MRPS30: variants seen among roughly 807,000 people sequenced by gnomAD.
The protein encoded by MRPS30 is large ribosomal subunit protein mL65.
Under a neutral mutation model 43.8 loss-of-function variants are expected in MRPS30, and 42 were observed. The observed-to-expected ratio is 0.96, with a 90% CI of 0.75 to 1.24. MRPS30 has a LOEUF of 1.24. MRPS30 is among the 50% of genes most tolerant of loss of function. The pLI is 0.00. For synonymous variants in MRPS30, 273 were observed against 228.2 expected (o/e 1.20, Z -1.77); for missense variants, 638 against 570.0 (o/e 1.12, Z -1.22).
rs370777273 is a variant in MRPS30, at chr5:44,812,164, G to A, written c.853+144G>A. 10 of 458,672 alleles carry A rather than the reference G, an allele frequency of 2.2e-5. No homozygotes were observed. The South Asian group carries it at 3.1e-4, about 14-fold the overall frequency. 28.4% of individuals were successfully genotyped at this position (458,672 alleles called of 1,614,324 possible). A position where few individuals can be genotyped will look rare whatever the true frequency, so the allele number is the denominator to read the frequency against. On this transcript the variant is annotated intron_variant, in intron 3 of 4. Transcript: ENST00000507110. ...TGAGCAATATAATTCGTAATCTCAG[G>A]TTATTACAACATGCATAAACACTGG...
Position 44,809,375 on chromosome 5 carries a change from A to G in MRPS30, c.413A>G (p.Asp138Gly). 1 of 1,608,088 alleles carries G rather than the reference A, an allele frequency of 6.2e-7. No individual in the cohort carries two copies. Among genetic ancestry groups the G allele is most frequent in the Non-Finnish European group, 8.5e-7 (1 of 1,177,306 alleles). Residue 138 changes from aspartate to glycine, a missense_variant, in exon 1 of 5, where the codon GAC becomes GGC. Asp to Gly is a moderately conservative substitution (Grantham distance 94). Transcript: ENST00000507110. ...EPEPEPEPALDLAALRAVACD... is the reference protein window; with the variant it reads ...EPEPEPEPALGLAALRAVACD... ...GAACCCGAACCTGAACCTGCGCTGG[A>G]CCTCGCGGCGCTGCGTGCGGTCGCC...
In MRPS30 at chr5:44,809,545, C is replaced by G; in HGVS notation, c.583C>G (p.Leu195Val). Residue 195 changes from leucine (L) to valine (V), a missense_variant, in exon 1 of 5, where the codon CTG becomes GTG. Leu to Val is a conservative substitution (Grantham distance 32, BLOSUM62 1). Coordinates refer to ENST00000507110, the MANE Select transcript of MRPS30 (RefSeq NM_016640.4). ...CCTCCTCAGCCCACACAACCCGGCC[C>G]TGGCCGCTGCCGCCCTCGGTGAGCC... is the stretch of plus-strand genomic sequence containing the variant. ...VGLLSPHNPA[L>V]AAAALDYRCP... 6.2e-7 allele frequency: 1 copy of G among 1,600,154 alleles called. No individual in the cohort carries two copies. The highest frequency in any genetic ancestry group is 1.1e-5 in the South Asian group (1 of 89,076).
chr5:44,811,190 C>T (rs1290577303), intron 2 of MRPS30, 36 bp downstream of exon 2: 1 of 1,604,748 alleles, frequency 6.2e-7, no homozygotes, highest in African/African-American at 1.3e-5. Context: ...CTATTGATAT[C>T]TCGTGTAGGA....
rs377019282 is a variant in MRPS30, at chr5:44,813,245, C to A, written c.993C>A (p.Ser331Arg). 6.2e-7 allele frequency: 1 copy of A among 1,609,086 alleles called. No homozygotes were observed. The highest frequency in any genetic ancestry group is 1.3e-5 in the African/African-American group (1 of 74,664). The change falls in exon 4 of 5, where the codon AGC becomes AGA. Residue 331 changes from serine to arginine, a missense_variant. Physicochemically the swap from Ser to Arg is moderately radical, Grantham distance 110. Transcript: ENST00000507110. ...TTTTTAGAGCTAATGCTATTGCAAG[C>A]CTTTTTGCTTGGACTGGAGCACAAG... ...EVVFRANAIA[S>R]LFAWTGAQAM... is the part of the protein sequence containing the mutation.
rs760598585 is a variant in MRPS30, at chr5:44,814,969, G to A, written c.1087G>A (p.Asp363Asn). ...TTTTGTCTCCCAGGCTGTGATCACAGATGGAAAATACTTTTCCTTTTTCTG... is the reference window on the plus strand; with the variant it reads ...TTTTGTCTCCCAGGCTGTGATCACAAATGGAAAATACTTTTCCTTTTTCTG... The part of the protein sequence containing the change: ...RPFVSQAVIT[D>N]GKYFSFFCYQ... Residue 363 changes from aspartate to asparagine, a missense_variant, in exon 5 of 5, where the codon GAT (aspartate) becomes AAT (asparagine). Transcript: ENST00000507110. 6.2e-7 allele frequency: 1 copy of A among 1,613,832 alleles called. No individual in the cohort carries two copies. The highest frequency in any genetic ancestry group is 8.5e-7 in the Non-Finnish European group (1 of 1,179,792).
chr5:44,809,021 C>T lies in MRPS30; in HGVS notation c.59C>T (p.Thr20Ile), dbSNP rs1742767360. The T allele has an allele frequency of 1.2e-6, 2 of 1,609,936 alleles. No homozygotes were observed. Among genetic ancestry groups the T allele is most frequent in the Non-Finnish European group, 8.5e-7 (1 of 1,178,804 alleles). The change falls in exon 1 of 5, where the codon ACC (threonine) becomes ATC (isoleucine). Residue 20 changes from threonine to isoleucine, a missense_variant. Thr to Ile is a moderately conservative substitution (Grantham distance 89, BLOSUM62 -1). Transcript: ENST00000507110. The stretch of plus-strand genomic sequence containing the variant: ...CGCGGTCCGAGGCTTTCATTGCACA[C>T]CGCGGCTAATGCCGCCGCCACGGCT... ...LLRGPRLSLH[T>I]AANAAATATE...
At chr5:44,814,115 G>T (rs1349747150) in intron 4 of MRPS30, among the ~76,000 whole-genome samples, 1 of 152,128 alleles carries the variant, frequency 6.6e-6, no homozygotes, top group Admixed American at 6.5e-5. Flanking sequence ...AATGAAGAGT[G>T]GGACAAGGAG....
In MRPS30 at chr5:44,809,004, G is replaced by A. The variant is rs770378175; in HGVS notation, c.42G>A (p.Pro14=). 18 of 1,609,522 alleles carry A rather than the reference G, an allele frequency of 1.1e-5. No individual in the cohort carries two copies. Among genetic ancestry groups the A allele is most frequent in the Non-Finnish European group, 1.5e-5 (18 of 1,178,536 alleles). Residue 14 remains proline (P), a synonymous_variant, in exon 1 of 5, where the codon CCG becomes CCA. Transcript: ENST00000507110. ...GTTGGAGGCCTTTGCTACGCGGTCC[G>A]AGGCTTTCATTGCACACCGCGGCTA... ...ARCWRPLLRG[P]RLSLHTAANA...
At chr5:44,809,877 G>T in intron 1 of MRPS30, 1 of 328,262 alleles carries the variant, frequency 3.0e-6, no homozygotes, top group Non-Finnish European at 5.5e-6. Context: ...GAAGAGAAAC[G>T]CCACTTAAGA....
At chr5:44,809,596 G>T (rs1259043791) in intron 1 of MRPS30, 33 bp downstream of exon 1, 1 of 1,539,966 alleles carries the variant, frequency 6.5e-7, no homozygotes, top group Non-Finnish European at 8.8e-7. Flanking sequence ...GGGCGGAAGG[G>T]AGAGATGGGG....
In MRPS30 at chr5:44,814,906, TC is replaced by T. The variant is rs1472065120; in HGVS notation, c.1031-6del. On this transcript the variant is annotated splice_region_variant and splice_polypyrimidine_tract_variant and intron_variant, in intron 4 of 4. Transcript: ENST00000507110. The stretch of plus-strand genomic sequence containing the variant: ...TGTGTAAATTTCAGCATAACTTTCT[TC>T]TACAGGATTCTGGAGTGAAGCAGAT... The T allele has an allele frequency of 6.3e-7, 1 of 1,589,454 alleles. No homozygotes were observed. The highest frequency in any genetic ancestry group is 2.2e-5 in the East Asian group (1 of 44,684).
At chr5:44,813,335 A>G in intron 4 of MRPS30, 53 bp downstream of exon 4, 1 of 1,436,780 alleles carries the variant, frequency 7.0e-7, no homozygotes. Context: ...ACATTCTAAG[A>G]ATATAATGGT....
rs1341559686 is a variant in MRPS30, at chr5:44,813,308, C to T, written c.1030+26C>T. On this transcript the variant is annotated intron_variant, in intron 4 of 4. Transcript: ENST00000507110. ...GTAAAAATTAATTTTATAGCATTTT[C>T]TTTGAAGGTATTTGTAACATTCTAA... 3.2e-6 allele frequency: 5 copies of T among 1,539,588 alleles called. No homozygotes were observed. In the South Asian group the frequency reaches 6.3e-5, roughly 19 times the overall value.
chr5:44,813,226 G>C lies in MRPS30; in HGVS notation c.974G>C (p.Arg325Thr), dbSNP rs749746406. ...NCADQIEVVF[R>T]ANAIASLFAW... The stretch of plus-strand genomic sequence containing the variant: ...GCTGATCAGATAGAAGTTGTTTTTA[G>C]AGCTAATGCTATTGCAAGCCTTTTT... Residue 325 changes from arginine to threonine, a missense_variant, in exon 4 of 5, where the codon AGA becomes ACA. Arg to Thr is a moderately conservative substitution (Grantham distance 71). Transcript: ENST00000507110. 1.9e-6 allele frequency: 3 copies of C among 1,612,080 alleles called. No homozygotes were observed. Among genetic ancestry groups the C allele is most frequent in the Admixed American group, 1.7e-5 (1 of 59,588 alleles).
At chr5:44,810,757 A>T (rs1203895047) in intron 1 of MRPS30, among the ~76,000 whole-genome samples, 1 of 152,162 alleles carries the variant, frequency 6.6e-6, no homozygotes, top group African/African-American at 2.4e-5. Flanking sequence ...ATTCTTGTTA[A>T]TCTTATTTTC....
At position 44,815,386 on chromosome 5, in the gene MRPS30, C is replaced by A; in HGVS notation, c.*184C>A. 1.9e-6 allele frequency: 1 copy of A among 529,002 alleles called. No individual in the cohort carries two copies. Among genetic ancestry groups the A allele is most frequent in the Non-Finnish European group, 3.1e-6 (1 of 317,970 alleles). The allele number at this position is 529,002 out of a possible 1,614,324, so 32.8% of individuals were successfully genotyped here. A position where few individuals can be genotyped will look rare whatever the true frequency, so the allele number is the denominator to read the frequency against. On this transcript the variant is annotated 3_prime_UTR_variant, in exon 5 of 5. Transcript: ENST00000507110. ...TCACTGAAAGATTTAATTTTAGTTA[C>A]CTTTTGTTGATTTAAAAATAATTGC...
In MRPS30 at chr5:44,809,368, G is replaced by C; in HGVS notation, c.406G>C (p.Ala136Pro). The C allele has an allele frequency of 6.2e-7, 1 of 1,608,164 alleles. No individual in the cohort carries two copies. The highest frequency in any genetic ancestry group is 8.5e-7 in the Non-Finnish European group (1 of 1,177,296). The change falls in exon 1 of 5, where the codon GCG (alanine) becomes CCG (proline). Residue 136 changes from alanine (A) to proline (P), a missense_variant. By Grantham distance (27) the Ala-to-Pro change is conservative (BLOSUM62 -1). Transcript: ENST00000507110. ...EPEPEPEPEP[A>P]LDLAALRAVA... The stretch of plus-strand genomic sequence containing the variant: ...CGAGCCCGAACCCGAACCTGAACCT[G>C]CGCTGGACCTCGCGGCGCTGCGTGC...
At chr5:44,809,787 C>G (rs932661064) in intron 1 of MRPS30, 1 of 534,042 alleles carries the variant, frequency 1.9e-6, no homozygotes, top group South Asian at 2.8e-5. Flanking sequence ...CTCTTCAACT[C>G]TGAAAGCCTG....
Position 44,813,177 on chromosome 5 carries a change from G to A in MRPS30, c.925G>A (p.Glu309Lys). Reference sequence around the variant, plus strand: ...TCTGTTACCTGACAAATTAAGAAGGGAAAGGCTTTTGAGACAAAACTGTGC... The same window carrying A: ...TCTGTTACCTGACAAATTAAGAAGGAAAAGGCTTTTGAGACAAAACTGTGC... ...FHLLPDKLRR[E>K]RLLRQNCADQ... Residue 309 changes from glutamate to lysine, a missense_variant, in exon 4 of 5, where the codon GAA becomes AAA. Glu to Lys is a moderately conservative substitution (Grantham distance 56). Transcript: ENST00000507110. 6.2e-7 allele frequency: 1 copy of A among 1,613,522 alleles called. No individual in the cohort carries two copies.
Sources: gnomAD v4.1 joint callset for allele counts (sites outside exome capture counted in the v4.1 genomes callset) on GRCh38, gnomAD v4.1.1 for gene constraint, MANE v1.5 for transcripts, NCBI Gene and HGNC (gene_info 2026-07-23, HGNC 2026-07-21) for gene names.